TFCP2: variants seen among roughly 807,000 people sequenced by gnomAD.
TFCP2 encodes the protein alpha-globin transcription factor CP2.
In TFCP2, 33 loss-of-function variants were observed where a neutral mutation model predicts 73.4. That is an observed-to-expected ratio of 0.45 (90% CI 0.34 to 0.60). TFCP2 has a LOEUF of 0.60. Among genes scored for constraint, TFCP2 ranks in the 20% least tolerant of loss-of-function variants. TFCP2 has a pLI of 0.01. For synonymous variants in TFCP2, 193 were observed against 211.6 expected, an observed-to-expected ratio of 0.91 and a Z score of 0.76; for missense variants, 352 against 604.0, an observed-to-expected ratio of 0.58 and a Z score of 4.37.
At chr12:51,103,845 C>A in intron 9 of TFCP2, 82 bp from the exon 10 acceptor site, 1 of 1,090,920 alleles carries the variant, frequency 9.2e-7, no homozygotes, top group Admixed American at 2.0e-5. Context: ...AAACACCCCA[C>A]ACAACCCCAT....
intron 9 of TFCP2, 22 bp downstream of exon 9, chr12:51,104,133 T>C (rs1940175387): frequency 1.9e-6 from 3 of 1,612,988 alleles, no homozygotes; most frequent in Non-Finnish European, 2.5e-6. Flanking sequence ...TGCAAGTAAC[T>C]GACATTCAAC....
At chr12:51,103,948 A>T in intron 9 of TFCP2, 185 bp from the exon 10 acceptor site, 1 of 694,866 alleles carries the variant, frequency 1.4e-6, no homozygotes, top group Non-Finnish European at 2.5e-6. Context: ...CTAGACTATA[A>T]GCTGCTCAAA....
chr12:51,122,449 G>A (rs185402163), intron 1 of TFCP2, among the ~76,000 whole-genome samples: 124 of 151,692 alleles, frequency 8.2e-4, no homozygotes, highest in Non-Finnish European at 4.0e-4. Flanking sequence ...AGTAGAGACA[G>A]GGTTTCACCA....
Position 51,172,436 on chromosome 12 carries a change from T to G in TFCP2, c.-14A>C, listed in dbSNP as rs767858128. The G allele has an allele frequency of 2.5e-6, 4 of 1,613,918 alleles. No homozygotes were observed. Among genetic ancestry groups the G allele is most frequent in the Non-Finnish European group, 3.4e-6 (4 of 1,179,928 alleles). On this transcript the variant is annotated 5_prime_UTR_variant, in exon 1 of 15. Coordinates refer to ENST00000257915, the MANE Select transcript of TFCP2 (RefSeq NM_005653.5). ...AGCCCAGGCCATCCTGGCTCCTTCC[T>G]TGCCCCAGGAGACACCGTGTCTTGT...
chr12:51,150,429 A>G (rs940422169), intron 1 of TFCP2, among the ~76,000 whole-genome samples: 8 of 152,022 alleles, frequency 5.3e-5, no homozygotes, highest in Admixed American at 2.0e-4. Flanking sequence ...AAAAAAAAAG[A>G]AAAAAAATTT....
chr12:51,116,664 T>C (rs1940535159), intron 3 of TFCP2, among the ~76,000 whole-genome samples: 2 of 151,544 alleles, frequency 1.3e-5, no homozygotes, highest in Admixed American at 1.3e-4. Flanking sequence ...GTTGCCCAGG[T>C]TGGAGTGCAA....
At chr12:51,130,805 G>A (rs1940926822) in intron 1 of TFCP2, among the ~76,000 whole-genome samples, 1 of 151,952 alleles carries the variant, frequency 6.6e-6, no homozygotes, top group South Asian at 2.1e-4. Flanking sequence ...TGGCCAACAT[G>A]GCAAAACCCC....
intron 1 of TFCP2, among the ~76,000 whole-genome samples, chr12:51,157,301 CG>C (rs2137037331): frequency 6.6e-6 from 1 of 152,126 alleles, no homozygotes; most frequent in Non-Finnish European, 1.5e-5. Context: ...GGATTACAGG[CG>C]TGAGACACTG....
intron 6 of TFCP2, 105 bp from the exon 7 acceptor site, chr12:51,107,451 C>T: frequency 2.3e-6 from 2 of 864,332 alleles, no homozygotes. Flanking sequence ...ATTGTATGTG[C>T]AGTGATGTAA....
chr12:51,105,416 C>T (rs1271219336), intron 8 of TFCP2, among the ~76,000 whole-genome samples: 4 of 152,064 alleles, frequency 2.6e-5, no homozygotes, highest in Non-Finnish European at 5.9e-5. Context: ...CGTTCTTTGT[C>T]TATGAATTGT....
At chr12:51,133,524 C>T (rs1940997588) in intron 1 of TFCP2, among the ~76,000 whole-genome samples, 1 of 152,196 alleles carries the variant, frequency 6.6e-6, no homozygotes, top group African/African-American at 2.4e-5. Context: ...CAGACTGAGA[C>T]TGGTCTCAAA....
At position 51,095,240 on chromosome 12, in the gene TFCP2, C is replaced by G; in HGVS notation, c.*1G>C. On this transcript the variant is annotated 3_prime_UTR_variant, in exon 15 of 15. Coordinates refer to ENST00000257915, the MANE Select transcript of TFCP2 (RefSeq NM_005653.5). The stretch of plus-strand genomic sequence containing the variant: ...GCCACTGGGCACGAAACGCCGCACT[C>G]CTACTTCAGTATGATATGATAGCTA... 1.2e-6 allele frequency: 2 copies of G among 1,613,988 alleles called. No homozygotes were observed. The highest frequency in any genetic ancestry group is 2.2e-5 in the South Asian group (2 of 91,070).
intron 1 of TFCP2, 67 bp from the exon 2 acceptor site, chr12:51,118,839 G>T (rs1467067665): frequency 5.3e-6 from 8 of 1,518,878 alleles, no homozygotes; most frequent in Non-Finnish European, 7.2e-6. Flanking sequence ...ATTGCTGAAT[G>T]ATTTAACTGC....
chr12:51,117,214 C>T (rs141133542), intron 3 of TFCP2, among the ~76,000 whole-genome samples: 9 of 152,260 alleles, frequency 5.9e-5, no homozygotes, highest in East Asian at 5.8e-4. Context: ...TTCCTCCCAC[C>T]ACCTTTTGAC....
intron 1 of TFCP2, among the ~76,000 whole-genome samples, chr12:51,152,095 G>A (rs1398457842): frequency 6.6e-6 from 1 of 152,106 alleles, no homozygotes; most frequent in Non-Finnish European, 1.5e-5. Flanking sequence ...ATTACAAAAG[G>A]CAAATGAATA....
intron 11 of TFCP2, 82 bp from the exon 12 acceptor site, chr12:51,099,861 A>T: frequency 6.5e-7 from 1 of 1,538,618 alleles, no homozygotes; most frequent in Non-Finnish European, 8.9e-7. Context: ...GTGTTTCTAC[A>T]TTAATCGTAT....
intron 1 of TFCP2, among the ~76,000 whole-genome samples, chr12:51,123,531 C>T (rs1355927693): frequency 1.3e-5 from 2 of 152,182 alleles, no homozygotes; most frequent in African/African-American, 4.8e-5. Flanking sequence ...TAGTTGCTGC[C>T]AATGTATAAT....
chr12:51,108,404 T>C (rs997488472), intron 6 of TFCP2, among the ~76,000 whole-genome samples: 2 of 152,186 alleles, frequency 1.3e-5, no homozygotes, highest in African/African-American at 4.8e-5. Flanking sequence ...AAGGGAGAAT[T>C]TCAGTGTTGC....
intron 1 of TFCP2, among the ~76,000 whole-genome samples, chr12:51,154,173 C>T (rs1198847583): frequency 1.3e-5 from 2 of 152,296 alleles, no homozygotes; most frequent in East Asian, 1.9e-4. Context: ...ACAAATATCT[C>T]TTAGAGACCC....
Sources: gnomAD v4.1 joint callset for allele counts (sites outside exome capture counted in the v4.1 genomes callset) on GRCh38, gnomAD v4.1.1 for gene constraint, MANE v1.5 for transcripts, NCBI Gene and HGNC (gene_info 2026-07-23, HGNC 2026-07-21) for gene names.